GSG1L: variants seen among roughly 807,000 people sequenced by gnomAD.
The protein encoded by GSG1L is GSG1 like, also known as germ cell-specific gene 1-like protein.
GSG1L carries 24 observed loss-of-function variants against 42.1 expected under a neutral mutation model. That is an observed-to-expected ratio of 0.57 (90% CI 0.41 to 0.80). The LOEUF is 0.80. Among genes scored for constraint, GSG1L ranks in the 30% least tolerant of loss-of-function variants. The pLI, the probability that GSG1L is intolerant of heterozygous loss-of-function variation, is 0.00. For missense variants in GSG1L, 445 were observed against 472.2 expected (o/e 0.94, Z 0.53); for synonymous variants, 215 against 203.5 (o/e 1.06, Z -0.48).
At chr16:27,829,872 C>T (rs1596540610) in intron 4 of GSG1L, among the ~76,000 whole-genome samples, 1 of 152,308 alleles carries the variant, frequency 6.6e-6, no homozygotes, top group East Asian at 1.9e-4. Flanking sequence ...TTAACATCCT[C>T]ATTACCCACT....
chr16:27,930,290 T>C (rs1291580992), intron 2 of GSG1L, among the ~76,000 whole-genome samples: 3 of 152,202 alleles, frequency 2.0e-5, no homozygotes, highest in Non-Finnish European at 4.4e-5. Context: ...TGGCCCCACA[T>C]GGCCAGCCCC....
intron 3 of GSG1L, among the ~76,000 whole-genome samples, chr16:27,878,210 A>G (rs1009764862): frequency 2.5e-4 from 38 of 152,112 alleles, no homozygotes; most frequent in Admixed American, 1.8e-3. Context: ...GTCCATTCTC[A>G]CACTGCTAAT....
intron 4 of GSG1L, among the ~76,000 whole-genome samples, chr16:27,843,451 A>G (rs1645353): frequency 6.7e-6 from 1 of 148,734 alleles, no homozygotes; most frequent in Non-Finnish European, 1.5e-5. Flanking sequence ...TATTGCTACA[A>G]TTTTAAGATG....
At chr16:27,897,302 T>C (rs1239011839) in intron 2 of GSG1L, among the ~76,000 whole-genome samples, 1 of 152,060 alleles carries the variant, frequency 6.6e-6, no homozygotes. Flanking sequence ...CCTCCTTTTT[T>C]TCTTCTTCCT....
At chr16:27,867,148 C>A (rs186367623) in intron 3 of GSG1L, among the ~76,000 whole-genome samples, 366 of 152,290 alleles carry the variant, frequency 2.4e-3, no homozygotes, top group African/African-American at 8.4e-3. Context: ...CCAGATAGAC[C>A]AAGTCCTGCC....
At chr16:27,900,585 G>C (rs982120033) in intron 2 of GSG1L, among the ~76,000 whole-genome samples, 5 of 152,148 alleles carry the variant, frequency 3.3e-5, no homozygotes, top group African/African-American at 7.2e-5. Context: ...CTGAGGCAGA[G>C]AGAAGGAAAG....
At position 27,960,488 on chromosome 16, in the gene GSG1L, G is replaced by A. The variant is rs190245477; in HGVS notation, c.397+2668C>T. On this transcript the variant is annotated intron_variant, in intron 2 of 6. Coordinates refer to ENST00000447459, the MANE Select transcript of GSG1L (RefSeq NM_001109763.2). The stretch of plus-strand genomic sequence containing the variant: ...GGGATGTCCCAGAGGGAGCCAGTGC[G>A]GGAGCCATAACATAGGGAAAGAGTA... Among the ~76,000 whole-genome samples the A allele has an allele frequency of 1.5e-3, 230 of 152,298 alleles. 1 individual carries two copies. The highest frequency in any genetic ancestry group is 5.3e-3 in the African/African-American group (219 of 41,568).
At chr16:28,062,695 G>A (rs2141206156) in intron 1 of GSG1L, among the ~76,000 whole-genome samples, 1 of 152,288 alleles carries the variant, frequency 6.6e-6, no homozygotes, top group Non-Finnish European at 1.5e-5. Context: ...CTAGTGCCCC[G>A]CGAAAGGAAG....
chr16:27,928,074 A>G (rs2084615472), intron 2 of GSG1L, among the ~76,000 whole-genome samples: 1 of 152,214 alleles, frequency 6.6e-6, no homozygotes, highest in South Asian at 2.1e-4. Flanking sequence ...TCCCTGAGAA[A>G]GTGAGCACTC....
At chr16:27,798,047 G>A (rs1196414934) in intron 6 of GSG1L, among the ~76,000 whole-genome samples, 1 of 152,120 alleles carries the variant, frequency 6.6e-6, no homozygotes. Context: ...TGGGAGTGGG[G>A]TAAGGGTTGA....
chr16:28,029,530 G>GGAAT (rs1555515223), intron 1 of GSG1L, among the ~76,000 whole-genome samples: 1 of 149,358 alleles, frequency 6.7e-6, no homozygotes, highest in Non-Finnish European at 1.5e-5. Flanking sequence ...GGTGCATGAA[G>GGAAT]GGATGGATGG....
intron 1 of GSG1L, among the ~76,000 whole-genome samples, chr16:28,013,389 G>A (rs2085746770): frequency 1.8e-5 from 1 of 55,888 alleles, no homozygotes; most frequent in African/African-American, 4.5e-5. Flanking sequence ...AGGAAGAGAT[G>A]GCATGTGCCC....
At chr16:28,049,011 G>A (rs1332544201) in intron 1 of GSG1L, among the ~76,000 whole-genome samples, 1 of 152,180 alleles carries the variant, frequency 6.6e-6, no homozygotes, top group African/African-American at 2.4e-5. Flanking sequence ...AATCAGGCCT[G>A]GGGCCTGAGG....
At chr16:27,831,420 T>C (rs1242353037) in intron 4 of GSG1L, among the ~76,000 whole-genome samples, 1 of 152,270 alleles carries the variant, frequency 6.6e-6, no homozygotes, top group Non-Finnish European at 1.5e-5. Context: ...TTACTTGCTA[T>C]AAATTCTCCT....
At chr16:27,793,393 T>C (rs2082776673) in intron 6 of GSG1L, among the ~76,000 whole-genome samples, 1 of 152,244 alleles carries the variant, frequency 6.6e-6, no homozygotes, top group Non-Finnish European at 1.5e-5. Context: ...TGGAATCATT[T>C]GGCTTCAGAA....
chr16:27,885,385 G>C (rs886543942), intron 2 of GSG1L, among the ~76,000 whole-genome samples: 1 of 152,158 alleles, frequency 6.6e-6, no homozygotes, highest in Non-Finnish European at 1.5e-5. Flanking sequence ...CTGGGCTCAA[G>C]CTATTTGCCT....
rs377754417 is a variant in GSG1L at position 27,916,322 on chromosome 16, AT to A, written c.398-31685del. Among the ~76,000 whole-genome samples the A allele has an allele frequency of 7.2e-3, 1,067 of 148,420 alleles. 10 individuals carry two copies. The highest frequency in any genetic ancestry group is 0.023 in the African/African-American group (937 of 40,586). On this transcript the variant is annotated intron_variant, in intron 2 of 6. Coordinates refer to ENST00000447459, the MANE Select transcript of GSG1L (RefSeq NM_001109763.2). ...TTCTTTCTAAATTTTATGTATTTAT[AT>A]TTTTTTTTTAGAGACAGAGTCTTGC...
chr16:27,881,941 T>C (rs186794337), intron 3 of GSG1L, among the ~76,000 whole-genome samples: 1 of 152,258 alleles, frequency 6.6e-6, no homozygotes, highest in East Asian at 1.9e-4. Context: ...AGCCTCCTGG[T>C]TGGCCTCCCC....
In GSG1L at chr16:27,931,525, G is replaced by A. The variant is rs557014651; in HGVS notation, c.397+31631C>T. 8.5e-5 allele frequency among the ~76,000 whole-genome samples: 13 copies of A among 152,356 alleles called. No individual in the cohort carries two copies. The South Asian group carries it at 1.4e-3, about 17-fold the overall frequency. On this transcript the variant is annotated intron_variant, in intron 2 of 6. Coordinates refer to ENST00000447459, the MANE Select transcript of GSG1L (RefSeq NM_001109763.2). ...ATGCATGTTGAGGCAATGAGATGTC[G>A]TTTTATGCTTTATACTGATTAGATA...
Sources: gnomAD v4.1 joint callset for allele counts (sites outside exome capture counted in the v4.1 genomes callset) on GRCh38, gnomAD v4.1.1 for gene constraint, MANE v1.5 for transcripts, NCBI Gene and HGNC (gene_info 2026-07-23, HGNC 2026-07-21) for gene names.